BCAS2: variants seen among roughly 807,000 people sequenced by gnomAD.
BCAS2 encodes the protein BCAS2 pre-mRNA processing factor.
A neutral mutation model predicts 35.3 loss-of-function variants in BCAS2; 34 were observed. The observed-to-expected ratio is 0.96, with a 90% CI of 0.73 to 1.28. The LOEUF is 1.28. BCAS2 is among the 50% of genes most tolerant of loss of function. The probability of loss-of-function intolerance (pLI) is 0.00; values close to 1 mark genes in which losing one functional copy is unlikely to be tolerated. For synonymous variants in BCAS2, 75 were observed against 91.6 expected (o/e 0.82, Z 1.03); for missense variants, 221 against 268.1 (o/e 0.82, Z 1.23).
At chr1:114,579,274 AAAG>A (rs1456547081) in intron 2 of BCAS2, among the ~76,000 whole-genome samples, 3 of 152,172 alleles carry the variant, frequency 2.0e-5, no homozygotes, top group Non-Finnish European at 4.4e-5. Flanking sequence ...TGTCTCAAAA[AAAG>A]AAAGGATTAA....
At chr1:114,578,341 A>G (rs1272105379) in intron 2 of BCAS2, among the ~76,000 whole-genome samples, 1 of 152,226 alleles carries the variant, frequency 6.6e-6, no homozygotes, top group Admixed American at 6.5e-5. Context: ...CCTGCAAAAA[A>G]AAAAACCAGG....
Position 114,575,894 on chromosome 1 carries a change from C to T in BCAS2, c.258-143G>A, listed in dbSNP as rs1175101996. Reference sequence around the variant, plus strand: ...TGTAAACCTTGCAATAATAAGAAACCGATATATGCTAACAATCAATTTACA... The same window carrying T: ...TGTAAACCTTGCAATAATAAGAAACTGATATATGCTAACAATCAATTTACA... On this transcript the variant is annotated intron_variant, in intron 3 of 6. Coordinates refer to ENST00000369541, the MANE Select transcript of BCAS2 (RefSeq NM_005872.3). The T allele has an allele frequency of 1.7e-5, 14 of 825,824 alleles. No homozygotes were observed. The East Asian group carries it at 2.4e-4, about 14-fold the overall frequency. 51.2% of individuals were successfully genotyped at this position (825,824 alleles called of 1,614,324 possible). A position where few individuals can be genotyped will look rare whatever the true frequency, so the allele number is the denominator to read the frequency against.
chr1:114,569,344 AAAGG>A, intron 6 of BCAS2, among the ~76,000 whole-genome samples: 1 of 152,230 alleles, frequency 6.6e-6, no homozygotes, highest in Middle Eastern at 3.4e-3. Flanking sequence ...GGCCAAGCAA[AAAGG>A]AAGAGAGAAA....
At chr1:114,575,548 G>GA (rs753186623) in intron 4 of BCAS2, 42 bp downstream of exon 4, 36 of 1,554,570 alleles carry the variant, frequency 2.3e-5, no homozygotes, top group Non-Finnish European at 2.9e-5. Context: ...AAAGAAAAGA[G>GA]AAAAAACAAA....
At chr1:114,568,368 C>CTTTTTTTTT in intron 6 of BCAS2, 112 bp from the exon 7 acceptor site, 1 of 876,350 alleles carries the variant, frequency 1.1e-6, no homozygotes, top group Non-Finnish European at 1.6e-6. Flanking sequence ...CTAACCTTCA[C>CTTTTTTTTT]TTTTTTTTTT....
chr1:114,569,499 T>A (rs1349736576), intron 6 of BCAS2, among the ~76,000 whole-genome samples: 1 of 151,814 alleles, frequency 6.6e-6, no homozygotes, highest in Non-Finnish European at 1.5e-5. Flanking sequence ...TATAAAATAA[T>A]TTTTTTCCTT....
rs556312551 is a variant in BCAS2, at chr1:114,571,266, G to A, written c.420-516C>T. Among the ~76,000 whole-genome samples, 9 of 151,712 alleles carry A rather than the reference G, an allele frequency of 5.9e-5. No individual in the cohort carries two copies. In the East Asian group the frequency reaches 1.4e-3, roughly 23 times the overall value. Reference sequence around the variant, plus strand: ...AGTAGAGATGGGGTTTCACTATGTCGGCCAGGCTGGTCTCGAACTCCTGAC... The same window carrying A: ...AGTAGAGATGGGGTTTCACTATGTCAGCCAGGCTGGTCTCGAACTCCTGAC... On this transcript the variant is annotated intron_variant, in intron 4 of 6. Coordinates refer to ENST00000369541, the MANE Select transcript of BCAS2 (RefSeq NM_005872.3).
intron 4 of BCAS2, 43 bp downstream of exon 4, chr1:114,575,547 A>C (rs1654742998): frequency 4.5e-6 from 7 of 1,551,398 alleles, no homozygotes; most frequent in Non-Finnish European, 6.1e-6. Flanking sequence ...GAAAGAAAAG[A>C]GAAAAAACAA....
In BCAS2 at chr1:114,575,570, A is replaced by G; in HGVS notation, c.419+20T>C. 1 of 1,564,518 alleles carries G rather than the reference A, an allele frequency of 6.4e-7. No homozygotes were observed. Among genetic ancestry groups the G allele is most frequent in the Non-Finnish European group, 8.6e-7 (1 of 1,162,666 alleles). ...AGAGAAAAAACAAAAAAAACAGAAG[A>G]TGAAGAAAAAGGTTCTTACTCATTG... On this transcript the variant is annotated intron_variant, in intron 4 of 6. Coordinates refer to ENST00000369541, the MANE Select transcript of BCAS2 (RefSeq NM_005872.3).
At chr1:114,574,117 T>C (rs1235841557) in intron 4 of BCAS2, among the ~76,000 whole-genome samples, 2 of 152,206 alleles carry the variant, frequency 1.3e-5, no homozygotes, top group Non-Finnish European at 2.9e-5. Context: ...ATACTAAAGC[T>C]AGAGCTAGTT....
chr1:114,570,718 T>C lies in BCAS2; in HGVS notation c.452A>G (p.Lys151Arg). Residue 151 changes from lysine (K) to arginine (R), a missense_variant, in exon 5 of 7, where the codon AAG becomes AGG. By Grantham distance (26) the Lys-to-Arg change is conservative. Coordinates refer to ENST00000369541, the MANE Select transcript of BCAS2 (RefSeq NM_005872.3). ...AATTTACCTTAACTTCTGAAGTTCC[T>C]TCTGTGCGTGTTCAATCATATGAAC... is the stretch of plus-strand genomic sequence containing the variant. Reference protein sequence around the residue: ...NLVHMIEHAQKELQKLRKHIQ... With the variant: ...NLVHMIEHAQRELQKLRKHIQ... 6.3e-7 allele frequency: 1 copy of C among 1,592,410 alleles called. No individual in the cohort carries two copies.
intron 4 of BCAS2, 31 bp from the exon 5 acceptor site, chr1:114,570,781 T>C: frequency 1.4e-6 from 2 of 1,430,548 alleles, no homozygotes; most frequent in Non-Finnish European, 1.9e-6. Context: ...CAGATTAAAA[T>C]ACATTAAAAT....
chr1:114,568,755 C>CTTTT (rs67319421), intron 6 of BCAS2, among the ~76,000 whole-genome samples: 31 of 83,226 alleles, frequency 3.7e-4, no homozygotes, highest in Non-Finnish European at 1.7e-4. Flanking sequence ...TCTCTGTATT[C>CTTTT]TTTTTTTTTT....
chr1:114,576,799 G>A, intron 2 of BCAS2, 41 bp from the exon 3 acceptor site: 1 of 1,473,626 alleles, frequency 6.8e-7, no homozygotes, highest in East Asian at 2.3e-5. Context: ...AGATCATGTT[G>A]ACAACTAAAA....
intron 2 of BCAS2, among the ~76,000 whole-genome samples, chr1:114,579,261 C>T (rs1297244807): frequency 1.3e-5 from 2 of 151,962 alleles, no homozygotes; most frequent in African/African-American, 4.8e-5. Context: ...CAGAGCAAGA[C>T]TCTGTCTCAA....
chr1:114,570,617 C>A (rs777561805), intron 5 of BCAS2, 83 bp downstream of exon 5: 10 of 958,668 alleles, frequency 1.0e-5, no homozygotes, highest in South Asian at 1.5e-5. Flanking sequence ...TGGCTGCAGT[C>A]TCTTTGCTTT....
chr1:114,574,402 A>C (rs1030381025), intron 4 of BCAS2, among the ~76,000 whole-genome samples: 9 of 152,218 alleles, frequency 5.9e-5, no homozygotes, highest in Non-Finnish European at 1.2e-4. Context: ...AGTTTCAAGA[A>C]AGTTACTTTA....
Position 114,576,749 on chromosome 1 carries a change from TTA to T in BCAS2, c.194_195del (p.Ile65AsnfsTer4). 6.2e-7 allele frequency: 1 copy of T among 1,609,476 alleles called. No individual in the cohort carries two copies. Among genetic ancestry groups the T allele is most frequent in the Non-Finnish European group, 8.5e-7 (1 of 1,178,272 alleles). ...GCCAGTCTTTCAAATTCATTTCTCA[TTA>T]TGTCAGTCTGATGTGTAAATCAGAA... ...APDYSAFETD[I>X]MRNEFERLAA... On this transcript the variant is annotated frameshift_variant, in exon 3 of 7. Transcript: ENST00000369541. LOFTEE classifies it high-confidence loss of function.
chr1:114,578,136 G>C (rs1377552907), intron 2 of BCAS2, among the ~76,000 whole-genome samples: 1 of 152,166 alleles, frequency 6.6e-6, no homozygotes, highest in African/African-American at 2.4e-5. Flanking sequence ...GTTGCAGTGA[G>C]CTGAGATCAC....
Sources: allele counts gnomAD v4.1 joint callset (sites outside exome capture counted in the v4.1 genomes callset), GRCh38; gene constraint gnomAD v4.1.1; transcripts MANE v1.5; gene names NCBI Gene and HGNC (gene_info 2026-07-23, HGNC 2026-07-21).